RAP1GAP2: variants seen among roughly 807,000 people sequenced by gnomAD.
RAP1GAP2 encodes RAP1 GTPase activating protein 2, also known as rap1 GTPase-activating protein 2.
RAP1GAP2 carries 27 observed loss-of-function variants against 95.0 expected under a neutral mutation model. That is an observed-to-expected ratio of 0.28 (90% CI 0.21 to 0.39). The LOEUF (loss-of-function observed/expected upper bound fraction) is 0.39, where lower values mean the gene tolerates loss of function less well. RAP1GAP2 is among the 10% of genes least tolerant of loss of function. RAP1GAP2 has a pLI of 1.00. For synonymous variants in RAP1GAP2, 373 were observed against 380.9 expected, an observed-to-expected ratio of 0.98 and a Z score of 0.24; for missense variants, 771 against 970.0, an observed-to-expected ratio of 0.79 and a Z score of 2.72.
chr17:2,914,763 T>A (rs926348221), intron 3 of RAP1GAP2, among the ~76,000 whole-genome samples: 7 of 150,718 alleles, frequency 4.6e-5, no homozygotes, highest in African/African-American at 1.7e-4. Context: ...GTGCTGGGAT[T>A]ACAGGTGCGA....
intron 3 of RAP1GAP2, among the ~76,000 whole-genome samples, chr17:2,911,253 G>A (rs989821741): frequency 8.6e-6 from 1 of 116,358 alleles, no homozygotes. Flanking sequence ...TGTTTGTTTT[G>A]AAGGGGATTT....
chr17:3,032,431 A>G lies in RAP1GAP2; in HGVS notation c.*12A>G. Reference sequence around the variant, plus strand: ...AACAGGGTCACTAATGTGAAAGTGGAGTCCTTCGCCTGTCCAAGGTGGGTT... The same window carrying G: ...AACAGGGTCACTAATGTGAAAGTGGGGTCCTTCGCCTGTCCAAGGTGGGTT... On this transcript the variant is annotated 3_prime_UTR_variant, in exon 24 of 25. Coordinates refer to ENST00000254695, the MANE Select transcript of RAP1GAP2 (RefSeq NM_015085.5). The G allele has an allele frequency of 6.2e-7, 1 of 1,613,864 alleles. No individual in the cohort carries two copies. Among genetic ancestry groups the G allele is most frequent in the African/African-American group, 1.3e-5 (1 of 75,056 alleles).
At chr17:2,832,386 A>G (rs62089718) in intron 2 of RAP1GAP2, among the ~76,000 whole-genome samples, 34,616 of 149,884 alleles carry the variant, frequency 0.23, 4,161 homozygotes, top group African/African-American at 0.29. Flanking sequence ...GTGAAACCCC[A>G]TCTCTACTAA....
At chr17:2,853,169 C>A (rs1239358430) in intron 2 of RAP1GAP2, among the ~76,000 whole-genome samples, 1 of 152,092 alleles carries the variant, frequency 6.6e-6, no homozygotes, top group Non-Finnish European at 1.5e-5. Flanking sequence ...GCCGACTCTG[C>A]GGGGAGGCGG....
At chr17:2,933,082 T>C (rs1003858645) in intron 3 of RAP1GAP2, among the ~76,000 whole-genome samples, 12 of 152,048 alleles carry the variant, frequency 7.9e-5, no homozygotes, top group Non-Finnish European at 1.8e-4. Flanking sequence ...GCGGTTTCCC[T>C]CCTCCATGAG....
At chr17:2,948,269 C>T (rs1250399873) in intron 3 of RAP1GAP2, among the ~76,000 whole-genome samples, 2 of 152,202 alleles carry the variant, frequency 1.3e-5, no homozygotes, top group Non-Finnish European at 2.9e-5. Context: ...GCTGCTGACA[C>T]ATAAACACAC....
intron 3 of RAP1GAP2, among the ~76,000 whole-genome samples, chr17:2,945,936 C>A (rs12940794): frequency 0.14 from 20,942 of 151,942 alleles, 1,533 homozygotes; most frequent in East Asian, 0.27. Flanking sequence ...ATTATAGGCA[C>A]GTGCCACCAC....
chr17:2,777,999 TGGGAGGCTGGGAGGCG>T (rs1447394162), intron 1 of RAP1GAP2, among the ~76,000 whole-genome samples: 52,588 of 96,204 alleles, frequency 0.55, 13,742 homozygotes, highest in East Asian at 0.78. Context: ...GCGGGGAGGC[TGGGAGGCTGGGAGGCG>T]GGGAGGCTGG....
chr17:2,781,671 CGTCTCTGTGTGTGCAG>C (rs2068654797), intron 1 of RAP1GAP2, among the ~76,000 whole-genome samples: 1 of 122,542 alleles, frequency 8.2e-6, no homozygotes, highest in Non-Finnish European at 1.6e-5. Context: ...TGTGTGGGCA[CGTCTCTGTGTGTGCAG>C]GTCTCTGTGT....
intron 8 of RAP1GAP2, among the ~76,000 whole-genome samples, chr17:2,966,901 C>T (rs2044626099): frequency 6.6e-6 from 1 of 152,160 alleles, no homozygotes. Context: ...TTTTCTAATA[C>T]TGTATCCTCC....
At chr17:2,767,737 CTT>C (rs35038540) in intron 1 of RAP1GAP2, among the ~76,000 whole-genome samples, 32 of 142,216 alleles carry the variant, frequency 2.3e-4, no homozygotes, top group Admixed American at 2.9e-4. Context: ...TTTATTATAG[CTT>C]TTTTTTTTTT....
intron 3 of RAP1GAP2, among the ~76,000 whole-genome samples, chr17:2,907,097 T>TC (rs1409930758): frequency 1.7e-5 from 2 of 117,422 alleles, no homozygotes; most frequent in Non-Finnish European, 3.6e-5. Context: ...AAGTATTTTT[T>TC]TCCCCCAGTA....
Position 3,032,443 on chromosome 17 carries a change from G to T in RAP1GAP2, c.*24G>T. 1.2e-6 allele frequency: 2 copies of T among 1,613,750 alleles called. No homozygotes were observed. The highest frequency in any genetic ancestry group is 1.1e-5 in the South Asian group (1 of 91,080). ...AATGTGAAAGTGGAGTCCTTCGCCTGTCCAAGGTGGGTTGAGTGAATGTCC... is the reference window on the plus strand; with the variant it reads ...AATGTGAAAGTGGAGTCCTTCGCCTTTCCAAGGTGGGTTGAGTGAATGTCC... On this transcript the variant is annotated 3_prime_UTR_variant, in exon 24 of 25. Coordinates refer to ENST00000254695, the MANE Select transcript of RAP1GAP2 (RefSeq NM_015085.5).
At chr17:2,897,338 C>G (rs2041866373) in intron 2 of RAP1GAP2, among the ~76,000 whole-genome samples, 1 of 151,912 alleles carries the variant, frequency 6.6e-6, no homozygotes, top group Non-Finnish European at 1.5e-5. Context: ...AACTCCGTCT[C>G]AAAACCAAAA....
At chr17:2,804,227 C>G (rs2069418554) in intron 2 of RAP1GAP2, among the ~76,000 whole-genome samples, 1 of 152,208 alleles carries the variant, frequency 6.6e-6, no homozygotes, top group Admixed American at 6.5e-5. Flanking sequence ...CTTGGTGCCT[C>G]CCCAGGTGTC....
At chr17:2,836,281 A>C (rs1015382413) in intron 2 of RAP1GAP2, among the ~76,000 whole-genome samples, 1 of 152,108 alleles carries the variant, frequency 6.6e-6, no homozygotes, top group Non-Finnish European at 1.5e-5. Context: ...GAAAAAAAAA[A>C]AGAAACCAAA....
chr17:2,854,152 C>T, intron 2 of RAP1GAP2: 3 of 985,052 alleles, frequency 3.0e-6, no homozygotes, highest in Non-Finnish European at 3.6e-6. Flanking sequence ...TGCTGCATGC[C>T]AGTTTTCTTT....
rs941284916 is a variant in RAP1GAP2 at position 2,932,417 on chromosome 17, G to A, written c.166-25342G>A. On this transcript the variant is annotated intron_variant, in intron 3 of 24. Transcript: ENST00000254695. ...ATATCCCATAACAAGTGTGGGACCC[G>A]GAGCTCAGGGAGAGGAGAGGGAGGA... is the stretch of plus-strand genomic sequence containing the variant. 3.9e-5 allele frequency among the ~76,000 whole-genome samples: 6 copies of A among 152,036 alleles called. No homozygotes were observed. In the East Asian group the frequency reaches 1.2e-3, roughly 29 times the overall value.
chr17:2,798,910 C>T (rs772635788), intron 1 of RAP1GAP2, among the ~76,000 whole-genome samples: 11 of 152,180 alleles, frequency 7.2e-5, no homozygotes, highest in Admixed American at 3.3e-4. Flanking sequence ...CAGAGGTGCA[C>T]GCACCAGGAG....
Sources: gnomAD v4.1 joint callset for allele counts (sites outside exome capture counted in the v4.1 genomes callset) on GRCh38, gnomAD v4.1.1 for gene constraint, MANE v1.5 for transcripts, NCBI Gene and HGNC (gene_info 2026-07-23, HGNC 2026-07-21) for gene names.